Variants in MAGI1 observed in about 807,000 individuals in gnomAD.
MAGI1 encodes membrane associated guanylate kinase, WW and PDZ domain containing 1, also known as membrane-associated guanylate kinase, WW and PDZ domain-containing protein 1.
A neutral mutation model predicts 139.9 loss-of-function variants in MAGI1; 58 were observed. That is an observed-to-expected ratio of 0.41 (90% CI 0.34 to 0.52). The LOEUF (loss-of-function observed/expected upper bound fraction) is 0.52. Among genes scored for constraint, MAGI1 ranks in the 20% least tolerant of loss-of-function variants. MAGI1 has a pLI of 0.12. For synonymous variants in MAGI1, 812 were observed against 737.9 expected (o/e 1.10, Z -1.63); for missense variants, 1,874 against 1,901.6 (o/e 0.99, Z 0.27).
At chr3:65,718,412 T>C (rs983066524) in intron 1 of MAGI1, 1 of 152,294 alleles carries the variant, frequency 6.6e-6, no homozygotes, top group Non-Finnish European at 1.5e-5. Flanking sequence ...CATATCAATA[T>C]ACATTTGAGA....
At chr3:65,471,504 G>T (rs1419535052) in intron 4 of MAGI1, among the ~76,000 whole-genome samples, 1 of 152,096 alleles carries the variant, frequency 6.6e-6, no homozygotes, top group East Asian at 1.9e-4. Context: ...AAGCTGGATG[G>T]AAGACATGCC....
chr3:65,831,771 C>T (rs1414757623), intron 1 of MAGI1, among the ~76,000 whole-genome samples: 1 of 152,158 alleles, frequency 6.6e-6, no homozygotes, highest in African/African-American at 2.4e-5. Context: ...AGATAAAATG[C>T]CTCTCTGAAA....
At chr3:65,366,393 T>G (rs1470137007) in intron 18 of MAGI1, among the ~76,000 whole-genome samples, 1 of 152,188 alleles carries the variant, frequency 6.6e-6, no homozygotes, top group African/African-American at 2.4e-5. Context: ...AGTGAATTGT[T>G]AGGTGAATCC....
intron 1 of MAGI1, among the ~76,000 whole-genome samples, chr3:65,700,745 G>T (rs1320991925): frequency 6.6e-6 from 1 of 152,102 alleles, no homozygotes. Context: ...ACCCTCAAAG[G>T]ATAGAAAATG....
intron 2 of MAGI1, among the ~76,000 whole-genome samples, chr3:65,548,925 C>A (rs938848683): frequency 6.6e-6 from 1 of 152,268 alleles, no homozygotes; most frequent in South Asian, 2.1e-4. Context: ...TCGGCGGGAA[C>A]GGGAGGCAGC....
At chr3:65,838,121 AC>A (rs751150123) in intron 1 of MAGI1, among the ~76,000 whole-genome samples, 13 of 152,144 alleles carry the variant, frequency 8.5e-5, no homozygotes, top group Non-Finnish European at 1.3e-4. Context: ...ATCAAGATAC[AC>A]AACTGGCTGG....
At chr3:65,648,833 G>A (rs146496842) in intron 1 of MAGI1, among the ~76,000 whole-genome samples, 13 of 152,132 alleles carry the variant, frequency 8.5e-5, no homozygotes, top group Admixed American at 2.0e-4. Context: ...TTAAGACTAC[G>A]TGGTATTGAT....
chr3:65,637,965 T>C (rs540061682), intron 1 of MAGI1, among the ~76,000 whole-genome samples: 1 of 152,194 alleles, frequency 6.6e-6, no homozygotes, highest in Non-Finnish European at 1.5e-5. Context: ...ATAGAGTCTC[T>C]TGGACTACAG....
At chr3:65,970,980 G>A (rs1357676753) in intron 1 of MAGI1, among the ~76,000 whole-genome samples, 12 of 152,142 alleles carry the variant, frequency 7.9e-5, no homozygotes, top group East Asian at 5.8e-4. Flanking sequence ...CGAGGTGGGC[G>A]GATCACGGGT....
rs1324016578 is a variant in MAGI1 at position 66,022,674 on chromosome 3, C to T, written c.313+15322G>A. On this transcript the variant is annotated intron_variant, in intron 1 of 22. Coordinates refer to ENST00000402939, the MANE Select transcript of MAGI1 (RefSeq NM_001033057.2). Reference sequence around the variant, plus strand: ...CAAATTAACCCATAGCTTTTGGACACGTGTCAGCCATTCGAACATGGAATC... The same window carrying T: ...CAAATTAACCCATAGCTTTTGGACATGTGTCAGCCATTCGAACATGGAATC... Among the ~76,000 whole-genome samples, 6 of 152,158 alleles carry T rather than the reference C, an allele frequency of 3.9e-5. No homozygotes were observed. In the East Asian group the frequency reaches 7.7e-4, roughly 20 times the overall value.
intron 1 of MAGI1, among the ~76,000 whole-genome samples, chr3:65,635,564 A>G (rs1038308070): frequency 6.6e-6 from 1 of 152,206 alleles, no homozygotes; most frequent in Non-Finnish European, 1.5e-5. Context: ...ACACTCAGCC[A>G]AGGCATAAGA....
intron 1 of MAGI1, among the ~76,000 whole-genome samples, chr3:66,018,123 G>GGC (rs1553748580): frequency 7.5e-6 from 1 of 133,832 alleles, no homozygotes; most frequent in East Asian, 2.9e-4. Context: ...TGGGGGGGGG[G>GGC]GGTGTCTGCA....
Position 65,914,391 on chromosome 3 carries a change from T to C in MAGI1, c.313+123605A>G, listed in dbSNP as rs1272330356. The stretch of plus-strand genomic sequence containing the variant: ...CATTCAAACTGGGGTACTTCCTGGT[T>C]TCATCACAAATTCAAATGCCATCAG... On this transcript the variant is annotated intron_variant, in intron 1 of 22. Coordinates refer to ENST00000402939, the MANE Select transcript of MAGI1 (RefSeq NM_001033057.2). Among the ~76,000 whole-genome samples, 7 of 152,294 alleles carry C rather than the reference T, an allele frequency of 4.6e-5. No homozygotes were observed. In the East Asian group the frequency reaches 1.3e-3, roughly 29 times the overall value.
intron 1 of MAGI1, among the ~76,000 whole-genome samples, chr3:65,724,865 C>T (rs1031823808): frequency 3.9e-5 from 6 of 152,110 alleles, no homozygotes; most frequent in African/African-American, 1.4e-4. Flanking sequence ...ATCATGAGAA[C>T]CACATGGCCA....
chr3:65,904,690 C>T (rs2108638632), intron 1 of MAGI1, among the ~76,000 whole-genome samples: 1 of 152,342 alleles, frequency 6.6e-6, no homozygotes, highest in African/African-American at 2.4e-5. Flanking sequence ...AGATCACCTA[C>T]CCACCATTCA....
At chr3:65,640,780 G>A (rs1306227269) in intron 1 of MAGI1, among the ~76,000 whole-genome samples, 1 of 152,160 alleles carries the variant, frequency 6.6e-6, no homozygotes, top group African/African-American at 2.4e-5. Flanking sequence ...AAACTGCAAG[G>A]AAGATACCAA....
chr3:65,909,033 C>T (rs1489315744), intron 1 of MAGI1, among the ~76,000 whole-genome samples: 1 of 152,110 alleles, frequency 6.6e-6, no homozygotes, highest in African/African-American at 2.4e-5. Context: ...TTTTATAATG[C>T]CAATTCCATG....
chr3:66,001,746 TCTAC>T (rs2066752100), intron 1 of MAGI1, among the ~76,000 whole-genome samples: 1 of 152,190 alleles, frequency 6.6e-6, no homozygotes, highest in African/African-American at 2.4e-5. Flanking sequence ...TAACAATGTG[TCTAC>T]CTAACAAAAA....
At chr3:65,796,857 C>A (rs1189259907) in intron 1 of MAGI1, among the ~76,000 whole-genome samples, 12 of 152,208 alleles carry the variant, frequency 7.9e-5, no homozygotes, top group Admixed American at 6.5e-4. Flanking sequence ...GCTGTGACCA[C>A]TAAACTTTAT....
Sources: allele counts gnomAD v4.1 joint callset (sites outside exome capture counted in the v4.1 genomes callset), GRCh38; gene constraint gnomAD v4.1.1; transcripts MANE v1.5; gene names NCBI Gene and HGNC (gene_info 2026-07-23, HGNC 2026-07-21).